Variants in TTC3 observed in about 807,000 individuals in gnomAD.
TTC3 encodes tetratricopeptide repeat domain 3, also known as E3 ubiquitin-protein ligase TTC3.
TTC3 carries 180 observed loss-of-function variants against 249.6 expected under a neutral mutation model. The ratio of observed to expected loss-of-function variants is 0.72; its 90% CI spans 0.64 to 0.82. The LOEUF (loss-of-function observed/expected upper bound fraction) is 0.82, where lower values mean the gene tolerates loss of function less well. Ranked by LOEUF, TTC3 falls within the 40% of genes least tolerant of loss-of-function variation. TTC3 has a pLI of 0.00. For missense variants in TTC3, 2,061 were observed against 2,398.4 expected (o/e 0.86, Z 2.94); for synonymous variants, 717 against 805.0 (o/e 0.89, Z 1.85).
rs754966664 is a variant in TTC3 at position 37,188,505 on chromosome 21, T to G, written c.4934T>G (p.Leu1645Arg). 4 of 1,613,694 alleles carry G rather than the reference T, an allele frequency of 2.5e-6. No individual in the cohort carries two copies. In the South Asian group the frequency reaches 4.4e-5, roughly 18 times the overall value. Residue 1645 changes from leucine (L) to arginine (R), a missense_variant, in exon 39 of 46, where the codon CTT becomes CGT. Leu to Arg is a moderately radical substitution (Grantham distance 102). Coordinates refer to ENST00000355666, the Ensembl canonical transcript of TTC3. ...CTGATCTACTGGCAGGTATCCGTAC[T>G]TGAAAACTGGAAGGAGAGTGAAGTG...
chr21:37,201,504 C>T (rs774950743), exon 46 of TTC3: 49 of 1,613,916 alleles, frequency 3.0e-5, no homozygotes, highest in Non-Finnish European at 3.6e-5. Context: ...GATCTCCTGA[C>T]AGAAGAGTCA....
chr21:37,195,741 G>A (rs1027125066), exon 42 of TTC3: 17 of 1,614,004 alleles, frequency 1.1e-5, no homozygotes, highest in African/African-American at 9.3e-5. Flanking sequence ...TTCTGCAAGC[G>A]ACGTGACTGG....
chr21:37,098,230 C>G (rs2074138760), intron 10 of TTC3: 2 of 273,792 alleles, frequency 7.3e-6, no homozygotes, highest in Non-Finnish European at 1.4e-5. Flanking sequence ...TGTATGCTTT[C>G]AAGATCAGAT....
rs76326252 is a variant in TTC3, at chr21:37,194,087, C to G, written c.5218-1588C>G. Reference sequence around the variant, plus strand: ...AGCCCAGTATGACGCAGGGGCAAAGCCAATGGAGCCTTCTTCTCTAAGCTG... The same window carrying G: ...AGCCCAGTATGACGCAGGGGCAAAGGCAATGGAGCCTTCTTCTCTAAGCTG... On this transcript the variant is annotated intron_variant, in intron 41 of 45. Coordinates refer to ENST00000355666, the Ensembl canonical transcript of TTC3. 3.3e-5 allele frequency among the ~76,000 whole-genome samples: 5 copies of G among 152,154 alleles called. No individual in the cohort carries two copies. The South Asian group carries it at 1.0e-3, about 32-fold the overall frequency.
At chr21:37,125,979 AATTCTATCCTATTCT>A (rs1454798677) in intron 14 of TTC3, 86 bp from the exon 15 acceptor site, 4 of 1,118,978 alleles carry the variant, frequency 3.6e-6, no homozygotes, top group Non-Finnish European at 3.8e-6. Context: ...TGCTAGGGTG[AATTCTATCCTATTCT>A]ATTCTAAATT....
At position 37,132,758 on chromosome 21, in the gene TTC3, G is replaced by A; in HGVS notation, c.1435G>A (p.Ala479Thr). Residue 479 changes from alanine (A) to threonine (T), a missense_variant, in exon 17 of 46, where the codon GCA (alanine) becomes ACA (threonine). Coordinates refer to ENST00000355666, the Ensembl canonical transcript of TTC3. ...ACAGTTTTCTAAATCTTCCAGAGCT[G>A]CACACCAGGTAATGGAGAAGCTTTT... is the stretch of plus-strand genomic sequence containing the variant. 1 of 1,600,438 alleles carries A rather than the reference G, an allele frequency of 6.2e-7. No homozygotes were observed. The highest frequency in any genetic ancestry group is 8.5e-7 in the Non-Finnish European group (1 of 1,174,222).
At chr21:37,124,288 G>T (rs1361858643) in intron 13 of TTC3, among the ~76,000 whole-genome samples, 3 of 151,284 alleles carry the variant, frequency 2.0e-5, no homozygotes, top group Non-Finnish European at 4.4e-5. Context: ...GCTAATTTTT[G>T]TATTTTTAGT....
At chr21:37,095,311 G>C (rs2073820887) in intron 8 of TTC3, 39 bp from the exon 9 acceptor site, 1 of 1,386,362 alleles carries the variant, frequency 7.2e-7, no homozygotes, top group Non-Finnish European at 1.0e-6. Flanking sequence ...ATGATTTTTG[G>C]AGGTCATTGA....
At chr21:37,109,029 A>G (rs1601487609) in intron 11 of TTC3, among the ~76,000 whole-genome samples, 2 of 152,244 alleles carry the variant, frequency 1.3e-5, no homozygotes, top group African/African-American at 4.8e-5. Context: ...AGCATTTCAC[A>G]GAAGAGTAAT....
chr21:37,156,339 A>G (rs1434123334), intron 27 of TTC3, among the ~76,000 whole-genome samples: 1 of 152,036 alleles, frequency 6.6e-6, no homozygotes, highest in African/African-American at 2.4e-5. Context: ...ACCTGGCCTC[A>G]TTGTTATATT....
rs371846368 is a variant in TTC3 at position 37,195,637 on chromosome 21, A to T, written c.5218-38A>T. On this transcript the variant is annotated intron_variant, in intron 41 of 45. Transcript: ENST00000355666. Reference sequence around the variant, plus strand: ...CTTGGGCGTTTCATCCTTCAAGGGAAGCCCTAAGTGATCCATGGTGTGGTG... The same window carrying T: ...CTTGGGCGTTTCATCCTTCAAGGGATGCCCTAAGTGATCCATGGTGTGGTG... 6.5e-6 allele frequency: 10 copies of T among 1,541,904 alleles called. No individual in the cohort carries two copies. In the African/African-American group the frequency reaches 1.4e-4, roughly 21 times the overall value.
chr21:37,127,972 A>G (rs1279001980), intron 15 of TTC3, among the ~76,000 whole-genome samples: 1 of 152,214 alleles, frequency 6.6e-6, no homozygotes, highest in African/African-American at 2.4e-5. Context: ...CATATTTCTC[A>G]GGCCATTACT....
At chr21:37,094,705 A>G (rs1263683208) in intron 8 of TTC3, among the ~76,000 whole-genome samples, 1 of 152,216 alleles carries the variant, frequency 6.6e-6, no homozygotes, top group East Asian at 1.9e-4. Context: ...CCTTATAGAT[A>G]AGGTATATTT....
At chr21:37,094,219 C>G (rs1456288699) in intron 8 of TTC3, 129 bp downstream of exon 8, 2 of 516,854 alleles carry the variant, frequency 3.9e-6, no homozygotes, top group Non-Finnish European at 6.7e-6. Flanking sequence ...AGGGAAAGAA[C>G]TAATATCTTG....
intron 20 of TTC3, among the ~76,000 whole-genome samples, chr21:37,141,445 A>ACC (rs954697147): frequency 6.6e-6 from 1 of 150,934 alleles, no homozygotes; most frequent in Non-Finnish European, 1.5e-5. Context: ...TGTGCCTAGA[A>ACC]CCTCCTTTAT....
chr21:37,115,332 A>G (rs2076051192), intron 11 of TTC3, among the ~76,000 whole-genome samples: 2 of 152,116 alleles, frequency 1.3e-5, no homozygotes, highest in African/African-American at 2.4e-5. Context: ...TTACAATGTC[A>G]TATTGTCTGA....
chr21:37,074,769 T>C (rs1408257125), intron 1 of TTC3, among the ~76,000 whole-genome samples: 1 of 152,236 alleles, frequency 6.6e-6, no homozygotes, highest in Non-Finnish European at 1.5e-5. Flanking sequence ...CTCCGATTGC[T>C]CAAGGTTTCG....
intron 16 of TTC3, among the ~76,000 whole-genome samples, chr21:37,131,883 T>C (rs2077500563): frequency 6.6e-6 from 1 of 152,298 alleles, no homozygotes; most frequent in Non-Finnish European, 1.5e-5. Flanking sequence ...GTGCCTCAGA[T>C]TTTCTTACTC....
At chr21:37,105,634 C>G (rs1388460162) in intron 10 of TTC3, among the ~76,000 whole-genome samples, 1 of 152,198 alleles carries the variant, frequency 6.6e-6, no homozygotes, top group Non-Finnish European at 1.5e-5. Context: ...CCAGAAGTTC[C>G]TCTTAGTCAT....
Sources: gnomAD v4.1 joint callset for allele counts (sites outside exome capture counted in the v4.1 genomes callset) on GRCh38, gnomAD v4.1.1 for gene constraint, MANE v1.5 for transcripts, NCBI Gene and HGNC (gene_info 2026-07-23, HGNC 2026-07-21) for gene names.